Variants in CCDC192 observed in about 807,000 individuals in gnomAD.
CCDC192 encodes coiled-coil domain containing 192.
chr5:127,846,819 C>CA (rs551016691), intron 5 of CCDC192, among the ~76,000 whole-genome samples: 3,780 of 63,640 alleles, frequency 0.059, 271 homozygotes, highest in Middle Eastern at 0.09. Context: ...GTCAATAAAG[C>CA]AAAAAAAAAA....
At chr5:127,729,387 G>A (rs1455136836) in intron 2 of CCDC192, among the ~76,000 whole-genome samples, 1 of 152,184 alleles carries the variant, frequency 6.6e-6, no homozygotes, top group East Asian at 1.9e-4. Context: ...CCTTCAAAGA[G>A]ACTTAGACTC....
chr5:127,780,586 T>C (rs1435683416), intron 3 of CCDC192, among the ~76,000 whole-genome samples: 13 of 152,198 alleles, frequency 8.5e-5, no homozygotes, highest in Non-Finnish European at 5.9e-5. Flanking sequence ...ATGTTGAGCA[T>C]TTTTTCATAT....
intron 3 of CCDC192, chr5:127,784,733 T>TGAGTGAGGGCCTCATCAACTAACTGA: frequency 1.8e-6 from 1 of 540,568 alleles, no homozygotes; most frequent in Non-Finnish European, 3.6e-6. Context: ...GGAGGATAGC[T>TGAGTGAGGGCCTCATCAACTAACTGA]GAGTGAGGGC....
chr5:127,862,027 G>GT (rs1200706250), intron 5 of CCDC192, among the ~76,000 whole-genome samples: 3 of 152,068 alleles, frequency 2.0e-5, no homozygotes, highest in East Asian at 3.9e-4. Context: ...GAAGGACTGG[G>GT]TTTTTTTTCT....
At chr5:127,718,870 C>T (rs1751795625) in intron 2 of CCDC192, among the ~76,000 whole-genome samples, 1 of 152,078 alleles carries the variant, frequency 6.6e-6, no homozygotes, top group Admixed American at 6.5e-5. Flanking sequence ...TACCCATCAC[C>T]TCAAGCTTTT....
At chr5:127,763,483 T>C (rs949636983) in intron 3 of CCDC192, among the ~76,000 whole-genome samples, 12 of 152,224 alleles carry the variant, frequency 7.9e-5, no homozygotes, top group African/African-American at 2.9e-4. Context: ...ACCTTCATTA[T>C]GGCCCTTGTT....
intron 5 of CCDC192, among the ~76,000 whole-genome samples, chr5:127,844,870 G>A (rs1330004015): frequency 6.6e-6 from 1 of 152,220 alleles, no homozygotes; most frequent in Non-Finnish European, 1.5e-5. Context: ...GACAGGAGGA[G>A]GAAATAATGT....
chr5:127,812,983 A>T (rs964637271), intron 5 of CCDC192, among the ~76,000 whole-genome samples: 1 of 152,140 alleles, frequency 6.6e-6, no homozygotes, highest in Non-Finnish European at 1.5e-5. Context: ...CCAACTGGGA[A>T]TTTTTATGAT....
chr5:127,930,424 ACCAGTGT>A (rs568965034), intron 6 of CCDC192, among the ~76,000 whole-genome samples: 5 of 152,152 alleles, frequency 3.3e-5, no homozygotes, highest in African/African-American at 1.2e-4. Context: ...CTAACCTCCC[ACCAGTGT>A]CCATTTTTAC....
At chr5:127,916,702 A>G (rs1411967856) in intron 6 of CCDC192, among the ~76,000 whole-genome samples, 1 of 152,244 alleles carries the variant, frequency 6.6e-6, no homozygotes, top group Admixed American at 6.5e-5. Context: ...TTCTCTGAGT[A>G]GAGATCCCAG....
intron 5 of CCDC192, among the ~76,000 whole-genome samples, chr5:127,834,895 T>C (rs1749965377): frequency 6.6e-6 from 1 of 152,224 alleles, no homozygotes; most frequent in African/African-American, 2.4e-5. Context: ...TGTGTATATA[T>C]ATACATATTT....
At chr5:127,761,382 A>G (rs1325867727) in intron 3 of CCDC192, among the ~76,000 whole-genome samples, 9 of 152,298 alleles carry the variant, frequency 5.9e-5, no homozygotes, top group Middle Eastern at 3.4e-3. Flanking sequence ...AAATACATGG[A>G]GCTTCAGATG....
intron 6 of CCDC192, among the ~76,000 whole-genome samples, chr5:127,930,824 T>G (rs1314992667): frequency 2.0e-5 from 3 of 152,230 alleles, no homozygotes; most frequent in African/African-American, 7.2e-5. Flanking sequence ...CACTGCACTC[T>G]GCTCACCAGC....
chr5:127,938,146 T>C (rs1754236278), intron 6 of CCDC192, among the ~76,000 whole-genome samples: 1 of 152,172 alleles, frequency 6.6e-6, no homozygotes, highest in Admixed American at 6.5e-5. Flanking sequence ...GTTTCTTATG[T>C]AGTTTAAGGA....
rs371813859 is a variant in CCDC192 at position 127,729,867 on chromosome 5, A to G, written c.114+22107A>G. 2.6e-5 allele frequency among the ~76,000 whole-genome samples: 4 copies of G among 152,352 alleles called. No homozygotes were observed. The East Asian group carries it at 5.8e-4, about 22-fold the overall frequency. ...ACCAGAATCTCTGGGATGCAGCTAC[A>G]GTAGTGTTAAGAGGGAAATTTCCAG... On this transcript the variant is annotated intron_variant, in intron 2 of 6. Coordinates refer to ENST00000514853, the MANE Select transcript of CCDC192 (RefSeq NM_001317938.2).
intron 2 of CCDC192, among the ~76,000 whole-genome samples, chr5:127,736,472 T>G: frequency 6.6e-6 from 1 of 152,000 alleles, no homozygotes; most frequent in Non-Finnish European, 1.5e-5. Flanking sequence ...TTCCCTCTTT[T>G]TCTATTGATT....
intron 5 of CCDC192, among the ~76,000 whole-genome samples, chr5:127,833,707 G>A (rs2110356): frequency 6.6e-6 from 1 of 152,180 alleles, no homozygotes; most frequent in East Asian, 1.9e-4. Flanking sequence ...CCTATGAATA[G>A]AAAACCTATA....
At chr5:127,758,122 A>G (rs931569371) in intron 3 of CCDC192, among the ~76,000 whole-genome samples, 1 of 152,044 alleles carries the variant, frequency 6.6e-6, no homozygotes, top group African/African-American at 2.4e-5. Flanking sequence ...GTTATTCAAG[A>G]CCTTATCTGT....
chr5:127,827,060 G>C (rs1241235052), intron 5 of CCDC192, among the ~76,000 whole-genome samples: 1 of 152,142 alleles, frequency 6.6e-6, no homozygotes, highest in Non-Finnish European at 1.5e-5. Flanking sequence ...ATGCTGAATG[G>C]ATCATGATTT....
Sources: gnomAD v4.1 joint callset for allele counts (sites outside exome capture counted in the v4.1 genomes callset) on GRCh38, gnomAD v4.1.1 for gene constraint, MANE v1.5 for transcripts, NCBI Gene and HGNC (gene_info 2026-07-23, HGNC 2026-07-21) for gene names.